The following TGM2 variants were observed in gnomAD, a reference collection of about 807,000 sequenced individuals.
TGM2 encodes the protein protein-glutamine gamma-glutamyltransferase 2.
TGM2 carries 53 observed loss-of-function variants against 75.6 expected under a neutral mutation model. That is an observed-to-expected ratio of 0.70 (90% CI 0.56 to 0.88). The LOEUF is 0.88. Among genes scored for constraint, TGM2 ranks in the 40% least tolerant of loss-of-function variants. The pLI, the probability that TGM2 is intolerant of heterozygous loss-of-function variation, is 0.00. For synonymous variants in TGM2, 374 were observed against 381.1 expected (o/e 0.98, Z 0.22); for missense variants, 842 against 928.5 (o/e 0.91, Z 1.21).
At position 38,129,984 on chromosome 20, in the gene TGM2, G is replaced by C. The variant is rs1379496513; in HGVS notation, c.*235C>G. The C allele has an allele frequency of 8.4e-6, 5 of 591,726 alleles. No individual in the cohort carries two copies. In the East Asian group the frequency reaches 1.4e-4, roughly 17 times the overall value. The allele number at this position is 591,726 out of a possible 1,614,324, so 36.7% of individuals were successfully genotyped here. ...CCCCAGCCCCAGTCAGCCAAGGTCA[G>C]GGCTCCCACTGTTTCTGGCACAGAG... On this transcript the variant is annotated 3_prime_UTR_variant, in exon 13 of 13. Transcript: ENST00000361475.
At chr20:38,167,365 G>T (rs183207173), upstream of TGM2, among the ~76,000 whole-genome samples, 11 of 152,160 alleles carry the variant, frequency 7.2e-5, no homozygotes, top group Admixed American at 7.2e-4. Context: ...TTTGAGACAG[G>T]GTCCCACTCT....
At chr20:38,146,564 C>A in intron 6 of TGM2, 153 bp downstream of exon 6, 1 of 866,842 alleles carries the variant, frequency 1.2e-6, no homozygotes, top group Non-Finnish European at 1.9e-6. Context: ...GATAAAGGAC[C>A]GGAGAGGGTG....
intron 6 of TGM2, 67 bp downstream of exon 6, chr20:38,146,650 T>C: frequency 6.3e-7 from 1 of 1,588,734 alleles, no homozygotes; most frequent in Non-Finnish European, 8.6e-7. Context: ...GATGTCCTGA[T>C]TCCTACTCCA....
At chr20:38,157,067 GGGT>G (rs769265836) in intron 2 of TGM2, among the ~76,000 whole-genome samples, 19 of 152,228 alleles carry the variant, frequency 1.2e-4, no homozygotes, top group South Asian at 4.1e-4. Context: ...TTCTGGACAT[GGGT>G]GGTGGAGAGA....
intron 4 of TGM2, 95 bp from the exon 5 acceptor site, chr20:38,148,184 T>C: frequency 6.5e-7 from 1 of 1,534,614 alleles, no homozygotes. Flanking sequence ...TTTCCCACTC[T>C]GTCCCACACA....
chr20:38,150,905 G>A (rs2075107701), intron 4 of TGM2, 34 bp downstream of exon 4: 10 of 1,522,278 alleles, frequency 6.6e-6, no homozygotes, highest in Non-Finnish European at 9.1e-6. Context: ...AGAAGGGCCT[G>A]AGATGGTTGG....
In TGM2 at chr20:38,127,901, T is replaced by C. The variant is rs2074782768; in HGVS notation, c.*2318A>G. The C allele has an allele frequency of 6.6e-6, 1 of 152,060 alleles. No homozygotes were observed. The highest frequency in any genetic ancestry group is 2.4e-5 in the African/African-American group (1 of 41,372). 9.4% of individuals were successfully genotyped at this position (152,060 alleles called of 1,614,324 possible). A position where few individuals can be genotyped will look rare whatever the true frequency, so the allele number is the denominator to read the frequency against. ...TGGGACAGCACAGGTCTTGTGGGAGTTGAGTTAGGAAACATTCATTTACCA... is the reference window on the plus strand; with the variant it reads ...TGGGACAGCACAGGTCTTGTGGGAGCTGAGTTAGGAAACATTCATTTACCA... On this transcript the variant is annotated 3_prime_UTR_variant, in exon 13 of 13. Transcript: ENST00000361475.
intron 2 of TGM2, among the ~76,000 whole-genome samples, chr20:38,157,174 G>A (rs981026231): frequency 6.6e-5 from 10 of 152,202 alleles, no homozygotes; most frequent in East Asian, 1.9e-4. Context: ...CCCACCCACC[G>A]TGGACATTAT....
intron 4 of TGM2, among the ~76,000 whole-genome samples, chr20:38,148,400 TC>T (rs1338677677): frequency 6.6e-6 from 1 of 152,010 alleles, no homozygotes; most frequent in African/African-American, 2.4e-5. Flanking sequence ...TCCCTGGGGC[TC>T]CCCCTCAGAG....
chr20:38,151,287 A>C (rs2122931302), intron 3 of TGM2, among the ~76,000 whole-genome samples: 1 of 152,354 alleles, frequency 6.6e-6, no homozygotes, highest in Non-Finnish European at 1.5e-5. Context: ...ACTGTGTGCC[A>C]GGACCTGTGA....
At position 38,132,475 on chromosome 20, in the gene TGM2, G is replaced by C. The variant is rs762650405; in HGVS notation, c.1641C>G (p.Leu547=). 1 of 1,614,180 alleles carries C rather than the reference G, an allele frequency of 6.2e-7. No homozygotes were observed. Among genetic ancestry groups the C allele is most frequent in the Admixed American group, 1.7e-5 (1 of 60,026 alleles). ...TAAGGCAGTCACGGTATTTCTCATA[G>C]AGGATGCAAAGAGGAACGCTCTTCT... is the stretch of plus-strand genomic sequence containing the variant. ...FSEKSVPLCI[L]YEKYRDCLTE... Residue 547 remains leucine (L), a synonymous_variant, in exon 11 of 13, where the codon CTC becomes CTG. Transcript: ENST00000361475.
In TGM2 at chr20:38,130,364, T is replaced by C. The variant is rs1204395621; in HGVS notation, c.1919A>G (p.Asp640Gly). The C allele has an allele frequency of 6.3e-6, 10 of 1,590,340 alleles. No individual in the cohort carries two copies. The highest frequency in any genetic ancestry group is 5.7e-5 in the South Asian group (5 of 87,122). ...TEEQKTVEIP[D>G]PVEAGEEVKV... is the part of the protein sequence containing the mutation. ...AACTTCCTCCCCTGCCTCCACGGGGTCTGGGCTGCAGGGAGAGAGGGGGTG... is the reference window on the plus strand; with the variant it reads ...AACTTCCTCCCCTGCCTCCACGGGGCCTGGGCTGCAGGGAGAGAGGGGGTG... The change falls in exon 13 of 13, where the codon GAC becomes GGC. Residue 640 changes from aspartate (D) to glycine (G), a missense_variant. Coordinates refer to ENST00000361475, the MANE Select transcript of TGM2 (RefSeq NM_004613.4).
chr20:38,159,232 T>C (rs1257209003), intron 2 of TGM2, among the ~76,000 whole-genome samples: 1 of 152,110 alleles, frequency 6.6e-6, no homozygotes, highest in Non-Finnish European at 1.5e-5. Context: ...GAAGGCAGCC[T>C]TATCCTCAGC....
upstream of TGM2, among the ~76,000 whole-genome samples, chr20:38,167,925 A>T (rs1203854156): frequency 6.6e-6 from 1 of 152,196 alleles, no homozygotes; most frequent in Non-Finnish European, 1.5e-5. Context: ...CCTCATTTGT[A>T]AAATGGGGGC....
At position 38,150,960 on chromosome 20, in the gene TGM2, G is replaced by A. The variant is rs1425142707; in HGVS notation, c.531C>T (p.Asn177=). 3.7e-6 allele frequency: 6 copies of A among 1,614,146 alleles called. No individual in the cohort carries two copies. Among genetic ancestry groups the A allele is most frequent in the Non-Finnish European group, 5.1e-6 (6 of 1,179,966 alleles). Reference sequence around the variant, plus strand: ...TTACCTGCCCAAAATTCCAAGGTATGTTCTTGATGAACTTGGCCGAGCCCT... The same window carrying A: ...TTACCTGCCCAAAATTCCAAGGTATATTCTTGATGAACTTGGCCGAGCCCT... ...IYQGSAKFIK[N]IPWNFGQFED... is the part of the protein sequence containing the mutation. Residue 177 remains asparagine (N), a synonymous_variant, in exon 4 of 13, where the codon AAC becomes AAT. Transcript: ENST00000361475.
chr20:38,150,691 G>C (rs1012271894), intron 4 of TGM2, among the ~76,000 whole-genome samples: 1 of 152,222 alleles, frequency 6.6e-6, no homozygotes, highest in Non-Finnish European at 1.5e-5. Context: ...CAGCTTCACA[G>C]TTCCCAAAGG....
At chr20:38,154,763 C>G (rs1952432437) in intron 3 of TGM2, among the ~76,000 whole-genome samples, 1 of 151,486 alleles carries the variant, frequency 6.6e-6, no homozygotes, top group South Asian at 2.1e-4. Flanking sequence ...CCCAACCTCA[C>G]CTCCGGGTTT....
intron 10 of TGM2, chr20:38,133,829 G>A (rs2074865330): frequency 6.6e-6 from 1 of 152,520 alleles, no homozygotes; most frequent in Admixed American, 6.5e-5. Context: ...GGAGGCTGAG[G>A]TGGGAGGATC....
At chr20:38,138,473 C>G in intron 9 of TGM2, 88 bp from the exon 10 acceptor site, 1 of 1,604,796 alleles carries the variant, frequency 6.2e-7, no homozygotes, top group Middle Eastern at 2.2e-4. Flanking sequence ...TTCGCAGAGG[C>G]CTGATGACTC....
Sources: allele counts gnomAD v4.1 joint callset (sites outside exome capture counted in the v4.1 genomes callset), GRCh38; gene constraint gnomAD v4.1.1; transcripts MANE v1.5; gene names NCBI Gene and HGNC (gene_info 2026-07-23, HGNC 2026-07-21).